The following DCP1B variants were observed in gnomAD, a reference collection of about 807,000 sequenced individuals.
DCP1B encodes mRNA-decapping enzyme 1B.
Under a neutral mutation model 60.5 loss-of-function variants are expected in DCP1B, and 47 were observed. That is an observed-to-expected ratio of 0.78 (90% CI 0.61 to 0.99). The LOEUF (loss-of-function observed/expected upper bound fraction) is 0.99. Ranked by LOEUF, DCP1B falls within the 50% of genes least tolerant of loss-of-function variation. DCP1B has a pLI of 0.00. For missense variants in DCP1B, 725 were observed against 756.8 expected (o/e 0.96, Z 0.49); for synonymous variants, 267 against 280.3 (o/e 0.95, Z 0.47).
chr12:1,972,423 T>TAGTA (rs2032700391), intron 3 of DCP1B, among the ~76,000 whole-genome samples: 1 of 152,220 alleles, frequency 6.6e-6, no homozygotes, highest in Non-Finnish European at 1.5e-5. Context: ...GACTCGTTAC[T>TAGTA]AGCATATGGT....
At chr12:1,993,423 A>C (rs778825630) in intron 2 of DCP1B, 32 bp from the exon 3 acceptor site, 15 of 1,600,918 alleles carry the variant, frequency 9.4e-6, no homozygotes, top group Middle Eastern at 3.3e-4. Flanking sequence ...GGGGAAATCA[A>C]TAGACAAATT....
chr12:1,952,854 G>A lies in DCP1B; in HGVS notation c.1086C>T (p.Thr362=), dbSNP rs758422176. The part of the protein sequence containing the change: ...TQNLFEKLQS[T]PGAANKCDPS... ...GGTCACACTTGTTTGCTGCCCCTGGGGTACTCTGAAGTTTCTCGAACAGGT... is the reference window on the plus strand; with the variant it reads ...GGTCACACTTGTTTGCTGCCCCTGGAGTACTCTGAAGTTTCTCGAACAGGT... Residue 362 remains threonine, a synonymous_variant, in exon 7 of 9, where the codon ACC becomes ACT. Coordinates refer to ENST00000280665, the MANE Select transcript of DCP1B (RefSeq NM_152640.5). The A allele has an allele frequency of 1.2e-6, 2 of 1,614,154 alleles. No homozygotes were observed. The highest frequency in any genetic ancestry group is 3.3e-5 in the Admixed American group (2 of 60,028).
intron 3 of DCP1B, among the ~76,000 whole-genome samples, chr12:1,970,368 G>A (rs934268316): frequency 1.3e-5 from 2 of 152,040 alleles, no homozygotes; most frequent in Non-Finnish European, 2.9e-5. Flanking sequence ...TAACTCTTTT[G>A]ATCCCAGTTT....
chr12:1,951,222 CCGAGAT>C (rs1262795596), intron 7 of DCP1B, among the ~76,000 whole-genome samples: 2 of 152,092 alleles, frequency 1.3e-5, no homozygotes, highest in African/African-American at 4.8e-5. Context: ...TTGCAGTGAG[CCGAGAT>C]CGCACCATTG....
chr12:1,953,478 C>T (rs117540051), intron 6 of DCP1B, among the ~76,000 whole-genome samples, 190 bp from the exon 7 acceptor site: 23 of 152,174 alleles, frequency 1.5e-4, no homozygotes, highest in Non-Finnish European at 2.6e-4. Context: ...ACAGCATGCT[C>T]CCCTTGCACC....
chr12:1,957,603 T>A (rs532411546), intron 5 of DCP1B, among the ~76,000 whole-genome samples: 1 of 152,352 alleles, frequency 6.6e-6, no homozygotes, highest in African/African-American at 2.4e-5. Flanking sequence ...CAAGCTTAAC[T>A]ATGCAGCCTG....
chr12:1,946,114 A>G lies in DCP1B; in HGVS notation c.*92T>C, dbSNP rs959827660. On this transcript the variant is annotated 3_prime_UTR_variant, in exon 9 of 9. Transcript: ENST00000280665. ...CACATACTTTTTTTTTAAAAAAGGC[A>G]GAAACATTGAAGGAAACAACACTCA... 8 of 1,009,340 alleles carry G rather than the reference A, an allele frequency of 7.9e-6. No homozygotes were observed. In the Middle Eastern group the frequency reaches 1.1e-3, roughly 137 times the overall value. 62.5% of individuals were successfully genotyped at this position (1,009,340 alleles called of 1,614,324 possible). A position where few individuals can be genotyped will look rare whatever the true frequency, so the allele number is the denominator to read the frequency against.
intron 3 of DCP1B, among the ~76,000 whole-genome samples, chr12:1,973,492 T>C (rs2033208481): frequency 6.6e-6 from 1 of 152,226 alleles, no homozygotes; most frequent in African/African-American, 2.4e-5. Context: ...AATTTATTAC[T>C]TTCCCAGTAA....
At chr12:1,981,840 T>C (rs988554663) in intron 3 of DCP1B, among the ~76,000 whole-genome samples, 2 of 152,118 alleles carry the variant, frequency 1.3e-5, no homozygotes, top group South Asian at 4.1e-4. Context: ...CTGGTAGAGA[T>C]TGGTCAGAAT....
chr12:1,982,742 A>G (rs1355287678), intron 3 of DCP1B, among the ~76,000 whole-genome samples: 1 of 152,034 alleles, frequency 6.6e-6, no homozygotes, highest in African/African-American at 2.4e-5. Context: ...TTGATCAATA[A>G]TTTTCTTTTC....
intron 1 of DCP1B, among the ~76,000 whole-genome samples, chr12:2,002,080 T>G (rs886421270): frequency 1.3e-5 from 2 of 152,228 alleles, no homozygotes; most frequent in African/African-American, 4.8e-5. Flanking sequence ...TCACATAATC[T>G]TTCTTAATCC....
intron 3 of DCP1B, among the ~76,000 whole-genome samples, chr12:1,973,802 T>C (rs1168903614): frequency 6.6e-6 from 1 of 152,240 alleles, no homozygotes; most frequent in Non-Finnish European, 1.5e-5. Flanking sequence ...TCTGCTTTGT[T>C]GGCCACTTAA....
At position 1,948,625 on chromosome 12, in the gene DCP1B, C is replaced by G. The variant is rs990670150; in HGVS notation, c.1773+461G>C. ...TTTCAAAATGACTTGTAAAACATAC[C>G]TGTAGCAGCCATGGCCATTATTTGC... On this transcript the variant is annotated intron_variant, in intron 8 of 8. Coordinates refer to ENST00000280665, the MANE Select transcript of DCP1B (RefSeq NM_152640.5). The surrounding 1 kb of genome is among the most constrained non-coding windows in gnomAD (Gnocchi z 4.8). 6.6e-6 allele frequency among the ~76,000 whole-genome samples: 1 copy of G among 152,186 alleles called. No homozygotes were observed. The highest frequency in any genetic ancestry group is 1.5e-5 in the Non-Finnish European group (1 of 68,034).
intron 3 of DCP1B, among the ~76,000 whole-genome samples, chr12:1,979,645 T>C (rs2035543166): frequency 6.6e-6 from 1 of 152,254 alleles, no homozygotes; most frequent in Admixed American, 6.5e-5. Flanking sequence ...CGAACGGAAC[T>C]TGTTGGATCA....
chr12:1,965,712 A>T lies in DCP1B; in HGVS notation c.387-19T>A. On this transcript the variant is annotated intron_variant, in intron 4 of 8. Coordinates refer to ENST00000280665, the MANE Select transcript of DCP1B (RefSeq NM_152640.5). ...AGTTAGGCTAGAAAAACAGAGGGGA[A>T]AATCCACACAAGAAAAGCCAATTCA... 6.3e-7 allele frequency: 1 copy of T among 1,593,400 alleles called. No individual in the cohort carries two copies. The highest frequency in any genetic ancestry group is 1.4e-5 in the African/African-American group (1 of 73,674).
Position 1,952,611 on chromosome 12 carries a change from G to A in DCP1B, c.1329C>T (p.Ser443=), listed in dbSNP as rs1189752231. 1.9e-6 allele frequency: 3 copies of A among 1,614,072 alleles called. No homozygotes were observed. Among genetic ancestry groups the A allele is most frequent in the Non-Finnish European group, 2.5e-6 (3 of 1,180,044 alleles). ...ACTCTTGAGGGGAGATCACTCCAGA[G>A]CTGCCAGTCTGACTACCAGAGATGG... ...TLPISGSQTG[S]SGVISPQELL... Residue 443 remains serine, a synonymous_variant, in exon 7 of 9, where the codon AGC becomes AGT. Coordinates refer to ENST00000280665, the MANE Select transcript of DCP1B (RefSeq NM_152640.5).
intron 6 of DCP1B, among the ~76,000 whole-genome samples, chr12:1,954,555 C>T (rs1027917622): frequency 6.7e-6 from 1 of 148,564 alleles, no homozygotes; most frequent in Non-Finnish European, 1.5e-5. Context: ...TATATATATA[C>T]ACTAACACAA....
intron 5 of DCP1B, among the ~76,000 whole-genome samples, chr12:1,956,906 C>G (rs1257642247): frequency 6.6e-6 from 1 of 152,180 alleles, no homozygotes; most frequent in Non-Finnish European, 1.5e-5. Flanking sequence ...GCAGATTTTT[C>G]CCAGCTTCCC....
intron 3 of DCP1B, among the ~76,000 whole-genome samples, chr12:1,970,055 T>C (rs2031825560): frequency 1.3e-5 from 2 of 152,182 alleles, no homozygotes; most frequent in Admixed American, 1.3e-4. Context: ...TGGGTATCTT[T>C]CGTTTGATGT....
Sources: gnomAD v4.1 joint callset for allele counts (sites outside exome capture counted in the v4.1 genomes callset) on GRCh38, gnomAD v4.1.1 for gene constraint, Gnocchi (gnomAD v3.1) non-coding constraint, MANE v1.5 for transcripts, NCBI Gene and HGNC (gene_info 2026-07-23, HGNC 2026-07-21) for gene names.